Variants in CACNA1C observed in about 807,000 individuals in gnomAD.
CACNA1C encodes the protein calcium voltage-gated channel subunit alpha1 C.
In CACNA1C, 30 loss-of-function variants were observed where a neutral mutation model predicts 229.0. The observed-to-expected ratio is 0.13, with a 90% CI of 0.10 to 0.18. The LOEUF (loss-of-function observed/expected upper bound fraction) is 0.18, where lower values mean the gene tolerates loss of function less well. CACNA1C is among the 10% of genes least tolerant of loss of function. The probability of loss-of-function intolerance (pLI) is 1.00; values close to 1 mark genes in which losing one functional copy is unlikely to be tolerated. For missense variants in CACNA1C, 1,658 were observed against 2,845.0 expected (o/e 0.58, Z 9.49); for synonymous variants, 1,114 against 1,132.5 (o/e 0.98, Z 0.33).
In CACNA1C at chr12:2,697,572, T is replaced by C. The variant is rs2097850975; in HGVS notation, c.*6373T>C. The C allele has an allele frequency of 6.6e-6, 1 of 152,128 alleles. No individual in the cohort carries two copies. Among genetic ancestry groups the C allele is most frequent in the Non-Finnish European group, 1.5e-5 (1 of 68,034 alleles). 9.4% of individuals were successfully genotyped at this position (152,128 alleles called of 1,614,324 possible). ...TCATCCCCCAAACCAATCTGTATCATGCCTGTTATCAGAGAGGCACAGAAA... is the reference window on the plus strand; with the variant it reads ...TCATCCCCCAAACCAATCTGTATCACGCCTGTTATCAGAGAGGCACAGAAA... On this transcript the variant is annotated 3_prime_UTR_variant, in exon 47 of 47. Coordinates refer to ENST00000399655, the MANE Select transcript of CACNA1C (RefSeq NM_000719.7).
intron 1 of CACNA1C, among the ~76,000 whole-genome samples, chr12:2,037,892 G>T (rs1433926534): frequency 6.6e-6 from 1 of 152,062 alleles, no homozygotes; most frequent in Non-Finnish European, 1.5e-5. Flanking sequence ...ATTTAAGTTT[G>T]AGGCCCCCTG....
chr12:2,485,212 AG>A (rs1346689931), intron 5 of CACNA1C, among the ~76,000 whole-genome samples: 2 of 151,980 alleles, frequency 1.3e-5, no homozygotes. Flanking sequence ...GCTCTGCTGG[AG>A]GGAAGGAGGA....
Position 2,566,252 on chromosome 12 carries a change from G to A in CACNA1C, c.1509-170G>A, listed in dbSNP as rs757134369. ...AGGAGTTCAGGGGCATCCCCAAGGCGGCAGGGCCTGGTTAGCTGGATGAGA... is the reference window on the plus strand; with the variant it reads ...AGGAGTTCAGGGGCATCCCCAAGGCAGCAGGGCCTGGTTAGCTGGATGAGA... On this transcript the variant is annotated intron_variant, in intron 11 of 46. Transcript: ENST00000399655. This position sits in a 1 kb window ranked among gnomAD's most constrained non-coding sequence, Gnocchi z 4.0. Among the ~76,000 whole-genome samples, 48 of 152,286 alleles carry A rather than the reference G, an allele frequency of 3.2e-4. No individual in the cohort carries two copies. Among genetic ancestry groups the A allele is most frequent in the East Asian group, 1.2e-3 (6 of 5,176 alleles).
chr12:1,993,345 T>C (rs761516067), intron 1 of CACNA1C: 10 of 1,613,986 alleles, frequency 6.2e-6, no homozygotes, highest in Non-Finnish European at 8.5e-6. Context: ...CTATTTTCCA[T>C]GCTCAGCCTA....
chr12:2,583,223 C>T (rs1339856134), intron 15 of CACNA1C, among the ~76,000 whole-genome samples: 1 of 152,222 alleles, frequency 6.6e-6, no homozygotes, highest in Non-Finnish European at 1.5e-5. Context: ...GCGGCGTGTG[C>T]GGCCACTCAC....
intron 1 of CACNA1C, among the ~76,000 whole-genome samples, chr12:2,037,896 C>T (rs770866683): frequency 1.3e-5 from 2 of 152,020 alleles, no homozygotes; most frequent in South Asian, 4.2e-4. Flanking sequence ...AAGTTTGAGG[C>T]CCCCTGGTCT....
At chr12:2,610,127 T>A (rs1481527363) in intron 27 of CACNA1C, among the ~76,000 whole-genome samples, 1 of 151,956 alleles carries the variant, frequency 6.6e-6, no homozygotes, top group Non-Finnish European at 1.5e-5. Flanking sequence ...AAAGAAAAAC[T>A]GAGGAGAGAA....
At chr12:2,022,886 T>G (rs573020926) in intron 1 of CACNA1C, among the ~76,000 whole-genome samples, 5 of 152,300 alleles carry the variant, frequency 3.3e-5, no homozygotes, top group Non-Finnish European at 5.9e-5. Context: ...TTATTGTACT[T>G]AAATAAATCA....
intron 3 of CACNA1C, among the ~76,000 whole-genome samples, chr12:2,127,904 C>T (rs1006231655): frequency 6.6e-6 from 1 of 152,134 alleles, no homozygotes; most frequent in East Asian, 1.9e-4. Flanking sequence ...ATTGAGTGAC[C>T]ACCAGGTACC....
At chr12:2,439,714 GT>G (rs57831176) in intron 3 of CACNA1C, among the ~76,000 whole-genome samples, 2,364 of 144,758 alleles carry the variant, frequency 0.016, 55 homozygotes, top group African/African-American at 0.05. Flanking sequence ...TTTGAGAAGG[GT>G]TTTTTTTTTT....
At chr12:2,401,266 G>A (rs1271150677) in intron 3 of CACNA1C, among the ~76,000 whole-genome samples, 1 of 152,228 alleles carries the variant, frequency 6.6e-6, no homozygotes, top group Non-Finnish European at 1.5e-5. Flanking sequence ...CCAGTGCCAG[G>A]CTGCGCACAG....
At chr12:2,437,217 G>A (rs144935423) in intron 3 of CACNA1C, among the ~76,000 whole-genome samples, 1 of 152,272 alleles carries the variant, frequency 6.6e-6, no homozygotes, top group Non-Finnish European at 1.5e-5. Context: ...GTGGTGACCA[G>A]GTCTGACAGG....
At chr12:2,305,645 AC>A (rs2094949200) in intron 3 of CACNA1C, among the ~76,000 whole-genome samples, 1 of 152,148 alleles carries the variant, frequency 6.6e-6, no homozygotes, top group Admixed American at 6.5e-5. Flanking sequence ...GGAATTAGAG[AC>A]CAGCCTAGGC....
At chr12:2,222,949 GCAC>G (rs1297071971) in intron 3 of CACNA1C, among the ~76,000 whole-genome samples, 2 of 152,194 alleles carry the variant, frequency 1.3e-5, no homozygotes, top group African/African-American at 4.8e-5. Flanking sequence ...AAGGAGAAAT[GCAC>G]TACCTCTCCA....
At chr12:2,047,424 G>T (rs1007897139) in intron 1 of CACNA1C, among the ~76,000 whole-genome samples, 8 of 152,184 alleles carry the variant, frequency 5.3e-5, no homozygotes, top group Non-Finnish European at 8.8e-5. Context: ...TAAAAACTGG[G>T]TGTTAAGAGG....
intron 1 of CACNA1C, among the ~76,000 whole-genome samples, chr12:2,073,511 C>G (rs1341741282): frequency 6.6e-6 from 1 of 152,156 alleles, no homozygotes; most frequent in Admixed American, 6.5e-5. Context: ...GGCTGGCCCT[C>G]CAGGCCAACT....
At chr12:2,581,026 G>A (rs796785298) in intron 13 of CACNA1C, among the ~76,000 whole-genome samples, 5 of 152,200 alleles carry the variant, frequency 3.3e-5, no homozygotes, top group African/African-American at 7.2e-5. Flanking sequence ...TCTCTTACCC[G>A]TGGGTGACCT....
chr12:2,081,570 C>CAA (rs35716626), intron 1 of CACNA1C, among the ~76,000 whole-genome samples: 1 of 140,672 alleles, frequency 7.1e-6, no homozygotes. Flanking sequence ...GACTCAGTCT[C>CAA]AAAAAAAAAA....
At chr12:2,147,517 C>T (rs1437523281) in intron 3 of CACNA1C, among the ~76,000 whole-genome samples, 1 of 151,182 alleles carries the variant, frequency 6.6e-6, no homozygotes, top group Non-Finnish European at 1.5e-5. Flanking sequence ...GGACCTGTTG[C>T]CTCTTTGTGA....
Sources: gnomAD v4.1 joint callset for allele counts (sites outside exome capture counted in the v4.1 genomes callset) on GRCh38, gnomAD v4.1.1 for gene constraint, Gnocchi (gnomAD v3.1) non-coding constraint, MANE v1.5 for transcripts, NCBI Gene and HGNC (gene_info 2026-07-23, HGNC 2026-07-21) for gene names.